RBFOX1: variants seen among roughly 807,000 people sequenced by gnomAD.
RBFOX1 encodes RNA binding protein fox-1 homolog 1.
In RBFOX1, 8 loss-of-function variants were observed where a neutral mutation model predicts 57.7. That is an observed-to-expected ratio of 0.14 (90% CI 0.08 to 0.25). The LOEUF is 0.25. RBFOX1 is among the 10% of genes least tolerant of loss of function. The pLI is 1.00. For synonymous variants in RBFOX1, 326 were observed against 222.4 expected, an observed-to-expected ratio of 1.47 and a Z score of -4.15; for missense variants, 611 against 548.5, an observed-to-expected ratio of 1.11 and a Z score of -1.14.
chr16:6,510,021 G>A (rs937074196), intron 2 of RBFOX1, among the ~76,000 whole-genome samples: 1 of 152,118 alleles, frequency 6.6e-6, no homozygotes. Context: ...CAGGGGTGGT[G>A]TCTGTTCCTG....
chr16:7,432,009 G>A (rs2098685863), intron 4 of RBFOX1, among the ~76,000 whole-genome samples: 1 of 152,210 alleles, frequency 6.6e-6, no homozygotes, highest in African/African-American at 2.4e-5. Context: ...CACCTAGAAG[G>A]TCCGCTCCTT....
At chr16:5,634,554 C>T (rs537625496) in intron 3 of RBFOX1, among the ~76,000 whole-genome samples, 2 of 152,196 alleles carry the variant, frequency 1.3e-5, no homozygotes, top group Admixed American at 6.5e-5. Flanking sequence ...TCTATCCCTT[C>T]TGGAATTGAG....
chr16:5,902,144 A>G (rs1219491234), intron 4 of RBFOX1, among the ~76,000 whole-genome samples: 1 of 152,172 alleles, frequency 6.6e-6, no homozygotes, highest in Non-Finnish European at 1.5e-5. Flanking sequence ...TTCACCTGCC[A>G]TGAGTCAGAA....
chr16:6,025,292 A>G (rs902493679), intron 1 of RBFOX1, among the ~76,000 whole-genome samples: 16 of 152,150 alleles, frequency 1.1e-4, no homozygotes, highest in African/African-American at 3.9e-4. Flanking sequence ...GAGAAATTAA[A>G]CTCGATTCCC....
intron 1 of RBFOX1, among the ~76,000 whole-genome samples, chr16:6,302,963 A>G (rs556538960): frequency 1.6e-4 from 25 of 152,384 alleles, no homozygotes; most frequent in Admixed American, 1.0e-3. Flanking sequence ...AAGGCACTTC[A>G]CATATTTTAT....
intron 3 of RBFOX1, among the ~76,000 whole-genome samples, chr16:6,875,734 G>A (rs78301768): frequency 1.3e-5 from 2 of 152,134 alleles, no homozygotes; most frequent in Non-Finnish European, 2.9e-5. Flanking sequence ...TCTGGGCATG[G>A]TGGCCCATGC....
At chr16:7,548,646 C>CA (rs1403733321) in intron 5 of RBFOX1, among the ~76,000 whole-genome samples, 1 of 152,174 alleles carries the variant, frequency 6.6e-6, no homozygotes, top group Non-Finnish European at 1.5e-5. Flanking sequence ...GGGGGGCAGT[C>CA]AAACAAGTCC....
intron 4 of RBFOX1, among the ~76,000 whole-genome samples, chr16:7,461,842 G>A (rs1488901428): frequency 6.6e-6 from 1 of 152,102 alleles, no homozygotes; most frequent in East Asian, 1.9e-4. Flanking sequence ...GATGTGAGGG[G>A]GCACAGGCAT....
chr16:7,282,030 A>G (rs1006856105), intron 4 of RBFOX1, among the ~76,000 whole-genome samples: 5 of 146,782 alleles, frequency 3.4e-5, no homozygotes, highest in Non-Finnish European at 7.4e-5. Flanking sequence ...CACGCCTGGC[A>G]ATTTTTTTTT....
intron 3 of RBFOX1, among the ~76,000 whole-genome samples, chr16:6,824,102 C>T (rs1313283013): frequency 2.0e-5 from 3 of 152,176 alleles, no homozygotes; most frequent in Non-Finnish European, 4.4e-5. Flanking sequence ...AGAGGAGTTT[C>T]CAGAATGTAA....
At chr16:6,841,535 G>A (rs556912990) in intron 3 of RBFOX1, among the ~76,000 whole-genome samples, 3 of 152,204 alleles carry the variant, frequency 2.0e-5, no homozygotes, top group Non-Finnish European at 4.4e-5. Context: ...CTAACCTCAC[G>A]CTAATGAGGC....
At chr16:6,792,817 T>G (rs1196784500) in intron 3 of RBFOX1, among the ~76,000 whole-genome samples, 1 of 152,030 alleles carries the variant, frequency 6.6e-6, no homozygotes, top group Non-Finnish European at 1.5e-5. Flanking sequence ...GATCATGACG[T>G]CAGGAGTTCA....
chr16:5,266,644 C>G (rs1161132741), intron 1 of RBFOX1, among the ~76,000 whole-genome samples: 2 of 148,830 alleles, frequency 1.3e-5, no homozygotes, highest in African/African-American at 2.5e-5. Context: ...GTCTCCTGGG[C>G]TCAAGGAGTC....
Position 6,423,507 on chromosome 16 carries a change from G to C in RBFOX1, c.-64+106450G>C, listed in dbSNP as rs528766007. On this transcript the variant is annotated intron_variant, in intron 2 of 15. Coordinates refer to ENST00000550418, the MANE Select transcript of RBFOX1 (RefSeq NM_018723.4). ...CCAGCTAGTTGGAAGGCTGAGGTGAGAGAATTGCTCGAACCTGGGAGGTGA... is the reference window on the plus strand; with the variant it reads ...CCAGCTAGTTGGAAGGCTGAGGTGACAGAATTGCTCGAACCTGGGAGGTGA... Among the ~76,000 whole-genome samples the C allele has an allele frequency of 7.2e-5, 11 of 152,318 alleles. No individual in the cohort carries two copies. The East Asian group carries it at 1.9e-3, about 27-fold the overall frequency.
chr16:7,454,381 C>T (rs1211771622), intron 4 of RBFOX1, among the ~76,000 whole-genome samples: 1 of 151,848 alleles, frequency 6.6e-6, no homozygotes. Flanking sequence ...TTTCTTAAAA[C>T]TGTACCATAT....
intron 3 of RBFOX1, among the ~76,000 whole-genome samples, chr16:5,851,700 G>T (rs546428944): frequency 3.3e-5 from 5 of 152,300 alleles, no homozygotes; most frequent in Admixed American, 3.3e-4. Flanking sequence ...CCTTCCTGCT[G>T]TCCTTTTCAT....
chr16:7,354,180 A>T (rs1290545383), intron 4 of RBFOX1, among the ~76,000 whole-genome samples: 1 of 152,098 alleles, frequency 6.6e-6, no homozygotes, highest in Admixed American at 6.5e-5. Flanking sequence ...CACATTGGTC[A>T]GACTGGTCTC....
At chr16:6,345,156 T>G (rs190937359) in intron 2 of RBFOX1, among the ~76,000 whole-genome samples, 3 of 152,174 alleles carry the variant, frequency 2.0e-5, no homozygotes, top group Non-Finnish European at 4.4e-5. Flanking sequence ...CTTAAACAGC[T>G]CCTGCTGCAG....
chr16:5,883,941 T>C (rs1484029652), intron 4 of RBFOX1, among the ~76,000 whole-genome samples: 2 of 152,192 alleles, frequency 1.3e-5, no homozygotes, highest in African/African-American at 4.8e-5. Context: ...GAAATGAGGA[T>C]AGATGGGTAA....
Sources: allele counts gnomAD v4.1 joint callset (sites outside exome capture counted in the v4.1 genomes callset), GRCh38; gene constraint gnomAD v4.1.1; transcripts MANE v1.5; gene names NCBI Gene and HGNC (gene_info 2026-07-23, HGNC 2026-07-21).